The following CCDC3 variants were observed in gnomAD, a reference collection of about 807,000 sequenced individuals.
The protein encoded by CCDC3 is coiled-coil domain-containing protein 3.
Under a neutral mutation model 21.4 loss-of-function variants are expected in CCDC3, and 24 were observed. That is an observed-to-expected ratio of 1.12 (90% CI 0.81 to 1.58). The LOEUF is 1.58. Among genes scored for constraint, CCDC3 ranks in the 40% most tolerant of loss-of-function variants. The pLI, the probability that CCDC3 is intolerant of heterozygous loss-of-function variation, is 0.00. For synonymous variants in CCDC3, 186 were observed against 166.0 expected (o/e 1.12, Z -0.93); for missense variants, 425 against 360.9 (o/e 1.18, Z -1.44).
Position 13,000,805 on chromosome 10 carries a change from A to G in CCDC3, c.374+392T>C, listed in dbSNP as rs184044261. Among the ~76,000 whole-genome samples, 26 of 152,304 alleles carry G rather than the reference A, an allele frequency of 1.7e-4. No individual in the cohort carries two copies. In the East Asian group the frequency reaches 5.0e-3, roughly 29 times the overall value. Reference sequence around the variant, plus strand: ...AAATGCGCTCAGAATCACGGTTAGGAAGGGCAGAGCCAAAATGCCAGCCAC... The same window carrying G: ...AAATGCGCTCAGAATCACGGTTAGGGAGGGCAGAGCCAAAATGCCAGCCAC... On this transcript the variant is annotated intron_variant, in intron 1 of 2. Transcript: ENST00000378825.
intron 5 of CCDC3, among the ~76,000 whole-genome samples, chr10:13,010,722 G>C (rs932196793): frequency 6.6e-6 from 1 of 152,098 alleles, no homozygotes; most frequent in African/African-American, 2.4e-5. Flanking sequence ...TCCATCCACA[G>C]GTACATGAAA....
chr10:12,995,389 G>A (rs1053841531), intron 2 of CCDC3, among the ~76,000 whole-genome samples: 3 of 152,010 alleles, frequency 2.0e-5, no homozygotes, highest in African/African-American at 7.2e-5. Flanking sequence ...TTACAGGCGC[G>A]TACCACCATC....
chr10:13,061,920 A>G (rs1379717434), intron 4 of CCDC3, among the ~76,000 whole-genome samples: 3 of 152,150 alleles, frequency 2.0e-5, no homozygotes, highest in Non-Finnish European at 2.9e-5. Context: ...GCCTGGAAGA[A>G]AAAGATCTAG....
chr10:13,013,788 T>A (rs1836013973), intron 5 of CCDC3, among the ~76,000 whole-genome samples: 1 of 152,142 alleles, frequency 6.6e-6, no homozygotes, highest in Non-Finnish European at 1.5e-5. Flanking sequence ...TGGCCTATAA[T>A]CTTCAAAAGT....
intron 5 of CCDC3, among the ~76,000 whole-genome samples, chr10:13,037,551 T>G (rs554467420): frequency 6.6e-6 from 1 of 152,324 alleles, no homozygotes; most frequent in South Asian, 2.1e-4. Flanking sequence ...CCTCCCTTTT[T>G]CTTTCCACGC....
intron 5 of CCDC3, among the ~76,000 whole-genome samples, chr10:13,037,139 A>G (rs1043082222): frequency 5.3e-5 from 8 of 152,160 alleles, no homozygotes; most frequent in African/African-American, 1.7e-4. Flanking sequence ...GTTTTTATAT[A>G]AAATATTTGT....
intron 2 of CCDC3, among the ~76,000 whole-genome samples, chr10:12,983,119 A>C (rs543354750): frequency 0.017 from 2,168 of 128,042 alleles, 102 homozygotes; most frequent in African/African-American, 0.062. Context: ...TAAATAAATA[A>C]ATAAAATAGT....
intron 2 of CCDC3, among the ~76,000 whole-genome samples, chr10:12,917,289 G>T (rs7911309): frequency 0.12 from 16,552 of 140,084 alleles, 998 homozygotes; most frequent in South Asian, 0.15. Flanking sequence ...CGCCTCCCGG[G>T]TTCATGCCAT....
chr10:13,040,354 G>T (rs1836436127), intron 5 of CCDC3, among the ~76,000 whole-genome samples: 3 of 152,210 alleles, frequency 2.0e-5, no homozygotes, highest in Non-Finnish European at 4.4e-5. Context: ...ACAAAAGGAA[G>T]TGAGCCTTAT....
chr10:13,038,076 G>A (rs1361364628), intron 5 of CCDC3, among the ~76,000 whole-genome samples: 1 of 152,176 alleles, frequency 6.6e-6, no homozygotes. Flanking sequence ...GATGGAGCTG[G>A]AAGCTGTTAT....
rs1589036898 is a variant in CCDC3, at chr10:13,001,602, G to GCGGGGAGCC, written c.-41_-33dup. On this transcript the variant is annotated 5_prime_UTR_variant, in exon 1 of 3. Coordinates refer to ENST00000378825, the MANE Select transcript of CCDC3 (RefSeq NM_031455.4). ...CCCTCCCGGGGCGCACGGGGCGGCG[G>GCGGGGAGCC]CGGGGAGCCCGGGGAGCCCGCCGGC... 16 of 1,148,870 alleles carry GCGGGGAGCC rather than the reference G, an allele frequency of 1.4e-5. No individual in the cohort carries two copies. The highest frequency in any genetic ancestry group is 8.5e-5 in the East Asian group (2 of 23,422). 71.2% of individuals were successfully genotyped at this position (1,148,870 alleles called of 1,614,324 possible).
At chr10:12,953,293 C>T (rs1477456376) in intron 2 of CCDC3, among the ~76,000 whole-genome samples, 3 of 152,076 alleles carry the variant, frequency 2.0e-5, no homozygotes, top group Admixed American at 6.6e-5. Context: ...GACCTGACCC[C>T]GTGATTCAAT....
At chr10:13,020,097 G>A (rs1032850314) in intron 5 of CCDC3, among the ~76,000 whole-genome samples, 1 of 152,134 alleles carries the variant, frequency 6.6e-6, no homozygotes, top group Non-Finnish European at 1.5e-5. Flanking sequence ...TACTTTGATT[G>A]GAATACAGAT....
intron 4 of CCDC3, among the ~76,000 whole-genome samples, chr10:13,056,899 A>G (rs17152773): frequency 0.033 from 5,033 of 152,278 alleles, 257 homozygotes; most frequent in African/African-American, 0.11. Flanking sequence ...TTAATTAATT[A>G]AGGCAGCTGA....
chr10:12,968,870 G>A (rs1180208625), intron 2 of CCDC3, among the ~76,000 whole-genome samples: 1 of 152,070 alleles, frequency 6.6e-6, no homozygotes, highest in Non-Finnish European at 1.5e-5. Flanking sequence ...ACCAAAGATA[G>A]AAAGTAAGGA....
intron 4 of CCDC3, among the ~76,000 whole-genome samples, chr10:13,060,939 T>C (rs923178108): frequency 6.6e-6 from 1 of 152,064 alleles, no homozygotes; most frequent in Non-Finnish European, 1.5e-5. Flanking sequence ...GAGTGAAAAA[T>C]TCAAGGAAGA....
chr10:13,084,287 CTT>C (rs61688783), intron 3 of CCDC3, among the ~76,000 whole-genome samples: 23 of 102,180 alleles, frequency 2.3e-4, no homozygotes, highest in Non-Finnish European at 2.5e-4. Context: ...CTTTTCTTTT[CTT>C]TTTTTTTTTT....
chr10:12,978,104 C>A (rs538434836), intron 2 of CCDC3, among the ~76,000 whole-genome samples: 1 of 152,052 alleles, frequency 6.6e-6, no homozygotes, highest in Admixed American at 6.5e-5. Flanking sequence ...CTGCAACCTC[C>A]GCCTCCCAGG....
chr10:13,042,552 C>T (rs115869352), intron 5 of CCDC3, among the ~76,000 whole-genome samples: 6 of 152,338 alleles, frequency 3.9e-5, no homozygotes, highest in African/African-American at 1.4e-4. Flanking sequence ...TTCTTATGTG[C>T]TGTTGGATGC....
Sources: allele counts gnomAD v4.1 joint callset (sites outside exome capture counted in the v4.1 genomes callset), GRCh38; gene constraint gnomAD v4.1.1; transcripts MANE v1.5; gene names NCBI Gene and HGNC (gene_info 2026-07-23, HGNC 2026-07-21).